BABAM2: variants seen among roughly 807,000 people sequenced by gnomAD.
BABAM2 encodes the protein BRISC and BRCA1-A complex member 2.
A neutral mutation model predicts 54.7 loss-of-function variants in BABAM2; 31 were observed. The observed-to-expected ratio is 0.57, with a 90% CI of 0.43 to 0.77. The LOEUF is 0.77. BABAM2 is among the 30% of genes least tolerant of loss of function. The pLI is 0.00. For missense variants in BABAM2, 364 were observed against 455.8 expected, an observed-to-expected ratio of 0.80 and a Z score of 1.83; for synonymous variants, 167 against 162.9, an observed-to-expected ratio of 1.03 and a Z score of -0.19.
At chr2:28,093,796 CAGTT>C (rs140362867) in intron 6 of BABAM2, among the ~76,000 whole-genome samples, 9,007 of 152,164 alleles carry the variant, frequency 0.059, 312 homozygotes, top group East Asian at 0.15. Context: ...ACATTATTCA[CAGTT>C]AGTGAGGGAA....
At chr2:28,050,064 A>G (rs192617637) in intron 6 of BABAM2, among the ~76,000 whole-genome samples, 9 of 152,328 alleles carry the variant, frequency 5.9e-5, no homozygotes, top group Admixed American at 1.3e-4. Context: ...ACTAGCATGT[A>G]TGTGCTTCAT....
chr2:27,976,675 A>G (rs1348798468), intron 3 of BABAM2, among the ~76,000 whole-genome samples: 1 of 152,184 alleles, frequency 6.6e-6, no homozygotes, highest in Non-Finnish European at 1.5e-5. Context: ...CAACTCTTAT[A>G]GGTGTACAGA....
In BABAM2 at chr2:28,264,875, G is replaced by C. The variant is rs149044915; in HGVS notation, c.934+20013G>C. Reference sequence around the variant, plus strand: ...TTTTCATTATTCCAGAGGTCATGGGGGCTTCAGAAAACCAACACAATCTGA... The same window carrying C: ...TTTTCATTATTCCAGAGGTCATGGGCGCTTCAGAAAACCAACACAATCTGA... On this transcript the variant is annotated intron_variant, in intron 10 of 11. Coordinates refer to ENST00000379624, the MANE Select transcript of BABAM2 (RefSeq NM_199191.3). 2.6e-3 allele frequency among the ~76,000 whole-genome samples: 401 copies of C among 152,234 alleles called. 3 individuals are homozygous for C. The highest frequency in any genetic ancestry group is 9.2e-3 in the African/African-American group (383 of 41,532).
chr2:28,302,119 G>A (rs1688154241), intron 11 of BABAM2, among the ~76,000 whole-genome samples: 1 of 152,076 alleles, frequency 6.6e-6, no homozygotes, highest in Admixed American at 6.5e-5. Context: ...AATTGTTTAA[G>A]ATTTAGCTGT....
intron 10 of BABAM2, among the ~76,000 whole-genome samples, chr2:28,258,576 T>C (rs1412139319): frequency 2.0e-5 from 3 of 151,792 alleles, no homozygotes; most frequent in African/African-American, 7.3e-5. Flanking sequence ...GTAAGTTAAT[T>C]TGTGAAGCAT....
At chr2:27,982,882 C>CAT (rs1553405558) in intron 3 of BABAM2, among the ~76,000 whole-genome samples, 2,484 of 146,410 alleles carry the variant, frequency 0.017, 63 homozygotes, top group African/African-American at 0.055. Context: ...CACACACACA[C>CAT]ATATATGTCA....
At chr2:28,293,970 T>C (rs1006738228) in intron 10 of BABAM2, among the ~76,000 whole-genome samples, 3 of 152,236 alleles carry the variant, frequency 2.0e-5, no homozygotes, top group African/African-American at 7.2e-5. Flanking sequence ...ATTTAGTCTC[T>C]GTATATGGGA....
chr2:27,920,944 C>A (rs1667300789), intron 2 of BABAM2, among the ~76,000 whole-genome samples: 2 of 152,118 alleles, frequency 1.3e-5, no homozygotes, highest in Admixed American at 6.5e-5. Flanking sequence ...TGTAGAATAT[C>A]TTCATATAGC....
chr2:27,944,183 CTT>C (rs1366557040), intron 3 of BABAM2, among the ~76,000 whole-genome samples: 2 of 152,040 alleles, frequency 1.3e-5, no homozygotes, highest in African/African-American at 4.8e-5. Context: ...CACAATAACT[CTT>C]AGGTCAGAAT....
At chr2:28,241,520 A>C (rs1682429552) in intron 9 of BABAM2, 127 bp downstream of exon 9, 3 of 837,734 alleles carry the variant, frequency 3.6e-6, no homozygotes. Flanking sequence ...TTTTTGAGAC[A>C]GTCTCGCTCT....
intron 3 of BABAM2, among the ~76,000 whole-genome samples, chr2:27,959,228 C>T (rs1670297177): frequency 6.6e-6 from 1 of 152,166 alleles, no homozygotes; most frequent in African/African-American, 2.4e-5. Flanking sequence ...GGATTACATG[C>T]TCCTTGTTTA....
intron 7 of BABAM2, among the ~76,000 whole-genome samples, chr2:28,180,235 A>G (rs1186848826): frequency 4.6e-5 from 7 of 152,200 alleles, no homozygotes; most frequent in Non-Finnish European, 1.0e-4. Context: ...GACTATGGTA[A>G]TCAAAACAGC....
chr2:28,228,180 G>A (rs561190303), intron 7 of BABAM2, among the ~76,000 whole-genome samples: 14 of 152,292 alleles, frequency 9.2e-5, no homozygotes, highest in Admixed American at 1.3e-4. Flanking sequence ...TCAAGCTTTA[G>A]CTACCTACAG....
At chr2:28,192,330 A>G (rs1309823608) in intron 7 of BABAM2, among the ~76,000 whole-genome samples, 6 of 151,834 alleles carry the variant, frequency 4.0e-5, no homozygotes, top group African/African-American at 1.2e-4. Context: ...CACTGCGCCC[A>G]GCCAGGAGAT....
chr2:28,192,531 T>C (rs59034634), intron 7 of BABAM2, among the ~76,000 whole-genome samples: 11,523 of 147,594 alleles, frequency 0.078, 511 homozygotes, highest in African/African-American at 0.12. Context: ...TTTTTTTTTT[T>C]TTTTTTTTGA....
intron 3 of BABAM2, among the ~76,000 whole-genome samples, chr2:27,979,485 G>A (rs1671852574): frequency 6.6e-6 from 1 of 151,984 alleles, no homozygotes; most frequent in East Asian, 1.9e-4. Flanking sequence ...ACACAGTAAT[G>A]GGATTGCAGG....
Position 28,198,902 on chromosome 2 carries a change from C to CT in BABAM2, c.681-38300_681-38299insT, listed in dbSNP as rs1401298653. 3.3e-5 allele frequency among the ~76,000 whole-genome samples: 5 copies of CT among 151,986 alleles called. No individual in the cohort carries two copies. The East Asian group carries it at 9.6e-4, about 29-fold the overall frequency. On this transcript the variant is annotated intron_variant, in intron 7 of 11. Coordinates refer to ENST00000379624, the MANE Select transcript of BABAM2 (RefSeq NM_199191.3). ...TGTTCTAGTGACAACACCTCCCCTG[C>CT]CCCCACCTGTCCTCACAAAACCTGT...
chr2:28,061,454 G>A (rs1324591536), intron 6 of BABAM2, among the ~76,000 whole-genome samples: 4 of 151,220 alleles, frequency 2.6e-5, no homozygotes, highest in African/African-American at 7.3e-5. Context: ...GCGTGGTGGC[G>A]GGCGCCTGTA....
At chr2:28,029,995 G>C (rs1676177248) in intron 5 of BABAM2, among the ~76,000 whole-genome samples, 1 of 152,144 alleles carries the variant, frequency 6.6e-6, no homozygotes. Flanking sequence ...GTGAACATGT[G>C]TTGTCTTTAG....
Sources: allele counts gnomAD v4.1 joint callset (sites outside exome capture counted in the v4.1 genomes callset), GRCh38; gene constraint gnomAD v4.1.1; transcripts MANE v1.5; gene names NCBI Gene and HGNC (gene_info 2026-07-23, HGNC 2026-07-21).